Variants in ERO1B observed in about 807,000 individuals in gnomAD.
ERO1B encodes endoplasmic reticulum oxidoreductase 1 beta.
A neutral mutation model predicts 75.3 loss-of-function variants in ERO1B; 49 were observed. That is an observed-to-expected ratio of 0.65 (90% CI 0.52 to 0.83). ERO1B has a LOEUF of 0.83. Ranked by LOEUF, ERO1B falls within the 40% of genes least tolerant of loss-of-function variation. The pLI is 0.00. For synonymous variants in ERO1B, 191 were observed against 192.9 expected (o/e 0.99, Z 0.08); for missense variants, 512 against 560.1 (o/e 0.91, Z 0.87).
Position 236,243,420 on chromosome 1 carries a change from A to G in ERO1B, c.505+2T>C, listed in dbSNP as rs1205396686. 18 of 1,577,552 alleles carry G rather than the reference A, an allele frequency of 1.1e-5. No homozygotes were observed. Among genetic ancestry groups the G allele is most frequent in the Non-Finnish European group, 1.6e-5 (18 of 1,154,498 alleles). Reference sequence around the variant, plus strand: ...TTTAATTATAATAGTTTATTGTATTACCATCAAGTTCACAAAAGTGATCCC... The same window carrying G: ...TTTAATTATAATAGTTTATTGTATTGCCATCAAGTTCACAAAAGTGATCCC... On this transcript the variant is annotated splice_donor_variant, in intron 6 of 15. Transcript: ENST00000354619. LOFTEE classifies it high-confidence loss of function.
At chr1:236,258,362 G>A (rs923663898) in intron 2 of ERO1B, among the ~76,000 whole-genome samples, 1 of 149,084 alleles carries the variant, frequency 6.7e-6, no homozygotes, top group Non-Finnish European at 1.5e-5. Context: ...AACCTTGTAG[G>A]CCAGAAAGGA....
intron 1 of ERO1B, among the ~76,000 whole-genome samples, chr1:236,270,746 C>A (rs1483154272): frequency 6.6e-6 from 1 of 152,056 alleles, no homozygotes; most frequent in Non-Finnish European, 1.5e-5. Context: ...ATGAAAAAGC[C>A]AAGCCAAAAG....
intron 6 of ERO1B, among the ~76,000 whole-genome samples, chr1:236,237,845 G>A (rs12405161): frequency 0.068 from 10,382 of 152,084 alleles, 744 homozygotes; most frequent in East Asian, 0.39. Context: ...GAATTACCTG[G>A]CACTTTTGTT....
At position 236,218,460 on chromosome 1, in the gene ERO1B, T is replaced by A; in HGVS notation, c.*56A>T. On this transcript the variant is annotated 3_prime_UTR_variant, in exon 16 of 16. Coordinates refer to ENST00000354619, the MANE Select transcript of ERO1B (RefSeq NM_019891.4). The stretch of plus-strand genomic sequence containing the variant: ...GTGTCTTTCTGATGAATGTCCATAA[T>A]TAAAAGGCTTTCCACAGTCACTTTA... 7.3e-7 allele frequency: 1 copy of A among 1,364,294 alleles called. No individual in the cohort carries two copies. Among genetic ancestry groups the A allele is most frequent in the Non-Finnish European group, 9.5e-7 (1 of 1,047,340 alleles). The allele number at this position is 1,364,294 out of a possible 1,614,324, so 84.5% of individuals were successfully genotyped here.
At chr1:236,254,809 C>T (rs1327055927) in intron 2 of ERO1B, among the ~76,000 whole-genome samples, 2 of 152,028 alleles carry the variant, frequency 1.3e-5, no homozygotes, top group Non-Finnish European at 2.9e-5. Flanking sequence ...GACAGGGTTT[C>T]ACCATGTTGG....
chr1:236,267,307 C>T (rs1202561614), intron 2 of ERO1B, among the ~76,000 whole-genome samples: 1 of 152,074 alleles, frequency 6.6e-6, no homozygotes, highest in African/African-American at 2.4e-5. Context: ...CTTAATAAAA[C>T]TTCTGTTTTG....
At chr1:236,239,877 A>ATATGTATATATATGTGTATATGTGTGTG (rs1572042468) in intron 6 of ERO1B, among the ~76,000 whole-genome samples, 1 of 96,030 alleles carries the variant, frequency 1.0e-5, no homozygotes, top group Non-Finnish European at 2.0e-5. Context: ...ATATGTGTAT[A>ATATGTATATATATGTGTATATGTGTGTG]TGTGTGTGTG....
At position 236,243,780 on chromosome 1, in the gene ERO1B, C is replaced by T. The variant is rs1374580004; in HGVS notation, c.432-285G>A. On this transcript the variant is annotated intron_variant, in intron 5 of 15. Coordinates refer to ENST00000354619, the MANE Select transcript of ERO1B (RefSeq NM_019891.4). The stretch of plus-strand genomic sequence containing the variant: ...GAAATTAATTTGTAAATACATATAA[C>T]ATGTAGTTAAACACAAAACTCAAGC... Among the ~76,000 whole-genome samples, 4 of 152,150 alleles carry T rather than the reference C, an allele frequency of 2.6e-5. No homozygotes were observed. In the East Asian group the frequency reaches 7.7e-4, roughly 29 times the overall value.
chr1:236,239,907 A>AT (rs1405706250), intron 6 of ERO1B, among the ~76,000 whole-genome samples: 1 of 106,374 alleles, frequency 9.4e-6, no homozygotes. Context: ...ATATATATAT[A>AT]TATATTTTTT....
Position 236,226,459 on chromosome 1 carries a change from C to A in ERO1B, c.862G>T (p.Asp288Tyr), listed in dbSNP as rs1186361894. 1 of 1,614,094 alleles carries A rather than the reference C, an allele frequency of 6.2e-7. No individual in the cohort carries two copies. The highest frequency in any genetic ancestry group is 8.5e-7 in the Non-Finnish European group (1 of 1,179,992). The change falls in exon 12 of 16, where the codon GAC becomes TAC. Residue 288 changes from aspartate to tyrosine, a missense_variant. Transcript: ENST00000354619. ...PNIKEFKHRFDPVETKGEGPR... is the reference protein window; with the variant it reads ...PNIKEFKHRFYPVETKGEGPR... Reference sequence around the variant, plus strand: ...CCTTCTCCCTTGGTTTCCACAGGGTCAAAGCGGTGTTTGAATTCTTTAATA... The same window carrying A: ...CCTTCTCCCTTGGTTTCCACAGGGTAAAAGCGGTGTTTGAATTCTTTAATA...
chr1:236,223,178 G>A lies in ERO1B; in HGVS notation c.1123-1168C>T, dbSNP rs143995101. Among the ~76,000 whole-genome samples, 449 of 147,582 alleles carry A rather than the reference G, an allele frequency of 3.0e-3. 5 individuals carry two copies. The highest frequency in any genetic ancestry group is 0.011 in the African/African-American group (437 of 39,440). On this transcript the variant is annotated intron_variant, in intron 13 of 15. Coordinates refer to ENST00000354619, the MANE Select transcript of ERO1B (RefSeq NM_019891.4). Reference sequence around the variant, plus strand: ...GATCGCACCACTGCACTCCAGCCTGGGCAACTAGAGTGAAACTCTGTCTCA... The same window carrying A: ...GATCGCACCACTGCACTCCAGCCTGAGCAACTAGAGTGAAACTCTGTCTCA...
At chr1:236,237,116 C>CTTTTTTTTT (rs67072171) in intron 6 of ERO1B, among the ~76,000 whole-genome samples, 3 of 105,482 alleles carry the variant, frequency 2.8e-5, no homozygotes, top group African/African-American at 6.9e-5. Flanking sequence ...ACTATTTGGA[C>CTTTTTTTTT]TTTTTTTTTT....
chr1:236,234,444 G>A (rs547693814), intron 8 of ERO1B, among the ~76,000 whole-genome samples: 59 of 152,316 alleles, frequency 3.9e-4, no homozygotes, highest in African/African-American at 9.1e-4. Context: ...GAATAGAAGA[G>A]CTTTCCCTTT....
In ERO1B at chr1:236,278,670, C is replaced by A. The variant is rs529550853; in HGVS notation, c.102+3012G>T. ...TGCATTTAGAAAAACTTACATATAT[C>A]TAATTGAAATTACTTTTTAAAGGAA... is the stretch of plus-strand genomic sequence containing the variant. On this transcript the variant is annotated intron_variant, in intron 1 of 15. Coordinates refer to ENST00000354619, the MANE Select transcript of ERO1B (RefSeq NM_019891.4). Among the ~76,000 whole-genome samples, 182 of 152,236 alleles carry A rather than the reference C, an allele frequency of 1.2e-3. 1 individual carries two copies. Among genetic ancestry groups the A allele is most frequent in the Non-Finnish European group, 1.9e-3 (128 of 68,020 alleles).
chr1:236,236,337 G>A lies in ERO1B; in HGVS notation c.567C>T (p.Gly189=). The change falls in exon 7 of 16, where the codon GGC becomes GGT. Residue 189 remains glycine, a synonymous_variant. Transcript: ENST00000354619. ...DLLLNPERYT[G]YKGTSAWRVW... is the part of the protein sequence containing the mutation. ...CTCTCCATGCAGAGGTCCCTTTATA[G>A]CCAGTGTAACGCTCTGGGTTCAGCA... The A allele has an allele frequency of 6.2e-7, 1 of 1,613,082 alleles. No individual in the cohort carries two copies. The highest frequency in any genetic ancestry group is 2.2e-5 in the East Asian group (1 of 44,790).
At chr1:236,255,583 GAGA>G (rs1458725427) in intron 2 of ERO1B, among the ~76,000 whole-genome samples, 2 of 152,152 alleles carry the variant, frequency 1.3e-5, no homozygotes, top group Admixed American at 6.5e-5. Flanking sequence ...CTATATTACA[GAGA>G]AGAAGGCAAA....
chr1:236,238,713 CAT>C (rs369314489), intron 6 of ERO1B, among the ~76,000 whole-genome samples: 181 of 151,602 alleles, frequency 1.2e-3, no homozygotes, highest in African/African-American at 4.1e-3. Context: ...TTCTCTGACA[CAT>C]ATATATTATA....
At chr1:236,225,038 C>A (rs770335518) in intron 13 of ERO1B, 32 bp downstream of exon 13, 23 of 1,604,530 alleles carry the variant, frequency 1.4e-5, no homozygotes, top group Non-Finnish European at 1.6e-5. Context: ...CAAACTGCTC[C>A]CAACCCCGTG....
At chr1:236,231,946 A>C (rs184907662) in intron 9 of ERO1B, among the ~76,000 whole-genome samples, 3 of 152,126 alleles carry the variant, frequency 2.0e-5, no homozygotes, top group Non-Finnish European at 4.4e-5. Context: ...ACCTACCACT[A>C]AAAGGGTCTC....
Sources: allele counts gnomAD v4.1 joint callset (sites outside exome capture counted in the v4.1 genomes callset), GRCh38; gene constraint gnomAD v4.1.1; transcripts MANE v1.5; gene names NCBI Gene and HGNC (gene_info 2026-07-23, HGNC 2026-07-21).